Variants in MUC5B observed in about 807,000 individuals in gnomAD.
MUC5B encodes the protein mucin-5B.
A neutral mutation model predicts 376.9 loss-of-function variants in MUC5B; 116 were observed. The observed-to-expected ratio is 0.31, with a 90% CI of 0.26 to 0.36. The LOEUF is 0.36. MUC5B is among the 10% of genes least tolerant of loss of function. The pLI is 1.00. For missense variants in MUC5B, 7,165 were observed against 7,769.9 expected (o/e 0.92, Z 2.93); for synonymous variants, 3,517 against 3,390.9 (o/e 1.04, Z -1.29).
rs749607422 is a variant in MUC5B, at chr11:1,254,089, C to A, written c.15218-3C>A. The A allele has an allele frequency of 1.9e-6, 3 of 1,610,968 alleles. No homozygotes were observed. The highest frequency in any genetic ancestry group is 2.5e-6 in the Non-Finnish European group (3 of 1,179,564). ...TGCCAGCCCGTCCATCTCTGTCCCG[C>A]AGGCATCTGCAGCATGTGGGGCGGC... On this transcript the variant is annotated splice_region_variant and splice_polypyrimidine_tract_variant and intron_variant, in intron 33 of 48. Transcript: ENST00000529681.
chr11:1,245,433 G>C lies in MUC5B; in HGVS notation c.8553G>C (p.Ser2851=), dbSNP rs1200038148. The C allele has an allele frequency of 6.4e-7, 1 of 1,555,560 alleles. No individual in the cohort carries two copies. Among genetic ancestry groups the C allele is most frequent in the Non-Finnish European group, 8.7e-7 (1 of 1,148,822 alleles). Residue 2851 remains serine, a synonymous_variant, in exon 31 of 49, where the codon TCG becomes TCC. Transcript: ENST00000529681. ...CCACACCCAGCAAGACCCGCACCTC[G>C]ACCCTGCTGCCCAGCAGCCCCACAT... ...ATATPSKTRT[S]TLLPSSPTSA...
chr11:1,252,726 C>A, intron 32 of MUC5B, 83 bp from the exon 33 acceptor site: 1 of 1,496,262 alleles, frequency 6.7e-7, no homozygotes, highest in Non-Finnish European at 9.0e-7. Flanking sequence ...CCACCCGGGG[C>A]TTTGGGCCAT....
In MUC5B at chr11:1,253,522, A is replaced by G. The variant is rs1590190567; in HGVS notation, c.15217+542A>G. On this transcript the variant is annotated intron_variant, in intron 33 of 48. Transcript: ENST00000529681. This position sits in a 1 kb window ranked among gnomAD's most constrained non-coding sequence, Gnocchi z 4.3. ...TCACTCCTCCCCATGTCCTTGGCCCAGGGCTGCTGTTCCAAACCGCCACAA... is the reference window on the plus strand; with the variant it reads ...TCACTCCTCCCCATGTCCTTGGCCCGGGGCTGCTGTTCCAAACCGCCACAA... 1.3e-5 allele frequency among the ~76,000 whole-genome samples: 2 copies of G among 152,162 alleles called. 1 individual carries two copies. Among genetic ancestry groups the G allele is most frequent in the African/African-American group, 4.8e-5 (2 of 41,436 alleles).
In MUC5B at chr11:1,234,639, C is replaced by G; in HGVS notation, c.2589C>G (p.Thr863=). ...EDCPCVHNEA[T]YKPGETIRVD... ...GCCCCTGTGTGCACAACGAGGCCAC[C>G]TACAAGCCTGGAGAGACCATCAGGG... The change falls in exon 21 of 49, where the codon ACC becomes ACG. Residue 863 remains threonine, a synonymous_variant. Coordinates refer to ENST00000529681, the MANE Select transcript of MUC5B (RefSeq NM_002458.3). The surrounding 1 kb of genome is among the most constrained non-coding windows in gnomAD (Gnocchi z 6.3). 3 of 1,550,888 alleles carry G rather than the reference C, an allele frequency of 1.9e-6. No homozygotes were observed. Among genetic ancestry groups the G allele is most frequent in the Non-Finnish European group, 1.7e-6 (2 of 1,147,710 alleles).
At position 1,242,936 on chromosome 11, in the gene MUC5B, C is replaced by G; in HGVS notation, c.6056C>G (p.Thr2019Ser). The change falls in exon 31 of 49, where the codon ACC (threonine) becomes AGC (serine). Residue 2019 changes from threonine (T) to serine (S), a missense_variant. This residue lies in a region of MUC5B where 897 missense variants were observed against 779.6 expected (regional missense o/e 1.15). Coordinates refer to ENST00000529681, the MANE Select transcript of MUC5B (RefSeq NM_002458.3). ...TPSSTPETAH[T>S]STVLTATATT... The stretch of plus-strand genomic sequence containing the variant: ...TCCTCCACTCCAGAGACTGCCCACA[C>G]CTCCACAGTGCTTACCGCCACGGCC... The G allele has an allele frequency of 1.2e-6, 2 of 1,613,208 alleles. No homozygotes were observed. The highest frequency in any genetic ancestry group is 1.3e-5 in the African/African-American group (1 of 74,960).
intron 33 of MUC5B, 21 bp from the exon 34 acceptor site, chr11:1,254,071 C>T: frequency 6.2e-7 from 1 of 1,604,034 alleles, no homozygotes; most frequent in Non-Finnish European, 8.5e-7. Flanking sequence ...GCCTGCCAGC[C>T]CGTCCATCTC....
intron 44 of MUC5B, chr11:1,259,454 G>A (rs1375927929): frequency 5.7e-6 from 3 of 527,572 alleles, no homozygotes; most frequent in Non-Finnish European, 1.0e-5. Context: ...GTTTCCAAAG[G>A]GAGGGTATGA....
chr11:1,223,914 C>T (rs532274940), intron 1 of MUC5B, among the ~76,000 whole-genome samples: 4 of 152,326 alleles, frequency 2.6e-5, no homozygotes, highest in East Asian at 3.9e-4. Flanking sequence ...CTCCCTGCCC[C>T]GCCCTCCACC....
intron 33 of MUC5B, 53 bp from the exon 34 acceptor site, chr11:1,254,036 TGGG>T: frequency 6.4e-7 from 1 of 1,572,452 alleles, no homozygotes; most frequent in Non-Finnish European, 8.6e-7. Context: ...CCATGACGCC[TGGG>T]GAGCGAGGGC....
In MUC5B at chr11:1,253,474, A is replaced by G. The variant is rs148967927; in HGVS notation, c.15217+494A>G. Among the ~76,000 whole-genome samples, 3,802 of 152,152 alleles carry G rather than the reference A, an allele frequency of 0.025. 63 individuals carry two copies. The highest frequency in any genetic ancestry group is 0.033 in the Non-Finnish European group (2,227 of 67,966). On this transcript the variant is annotated intron_variant, in intron 33 of 48. Coordinates refer to ENST00000529681, the MANE Select transcript of MUC5B (RefSeq NM_002458.3). This position sits in a 1 kb window ranked among gnomAD's most constrained non-coding sequence, Gnocchi z 4.3. ...CGGCTTCCATCACCGTGCGGGACCCACCGCTAAGAGGTCACGGCGTTCTCA... is the reference window on the plus strand; with the variant it reads ...CGGCTTCCATCACCGTGCGGGACCCGCCGCTAAGAGGTCACGGCGTTCTCA...
rs1038320893 is a variant in MUC5B, at chr11:1,258,011, G to T, written c.16451-88G>T. The T allele has an allele frequency of 3.0e-6, 4 of 1,350,388 alleles. No individual in the cohort carries two copies. Among genetic ancestry groups the T allele is most frequent in the Non-Finnish European group, 3.1e-6 (3 of 975,896 alleles). 83.7% of individuals were successfully genotyped at this position (1,350,388 alleles called of 1,614,324 possible). A position where few individuals can be genotyped will look rare whatever the true frequency, so the allele number is the denominator to read the frequency against. On this transcript the variant is annotated intron_variant, in intron 41 of 48. Transcript: ENST00000529681. The surrounding 1 kb of genome is among the most constrained non-coding windows in gnomAD (Gnocchi z 5.5). ...GCTGTGAAGCGGTCAGGTCCTCGGGGAAAAGCACGCCTGCGACTTACTCTG... is the reference window on the plus strand; with the variant it reads ...GCTGTGAAGCGGTCAGGTCCTCGGGTAAAAGCACGCCTGCGACTTACTCTG...
At chr11:1,229,978 G>A (rs763393008) in intron 10 of MUC5B, 27 bp from the exon 11 acceptor site, 18 of 1,573,836 alleles carry the variant, frequency 1.1e-5, no homozygotes, top group Admixed American at 3.5e-5. Flanking sequence ...CCGACATGCC[G>A]GTTCTGCTCA....
At chr11:1,236,589 C>T (rs756407989) in intron 24 of MUC5B, 27 bp downstream of exon 24, 1 of 1,596,940 alleles carries the variant, frequency 6.3e-7, no homozygotes, top group South Asian at 1.1e-5. Flanking sequence ...CACTCCTAGG[C>T]CCTGCAGGAC....
chr11:1,223,877 G>A (rs55983969), intron 1 of MUC5B, among the ~76,000 whole-genome samples: 13,716 of 152,258 alleles, frequency 0.09, 784 homozygotes, highest in Non-Finnish European at 0.11. Context: ...ACACCCAGCC[G>A]GGCTGGCCAT....
At chr11:1,255,325 GCACGCACGCAGCTCC>G in intron 36 of MUC5B, 43 bp from the exon 37 acceptor site, 1 of 1,369,520 alleles carries the variant, frequency 7.3e-7, no homozygotes. Context: ...CCGCATGCAC[GCACGCACGCAGCTCC>G]CTGGGGCTGG....
intron 1 of MUC5B, 101 bp downstream of exon 1, chr11:1,223,294 A>G (rs1861801111): frequency 8.6e-6 from 6 of 698,276 alleles, no homozygotes; most frequent in East Asian, 2.7e-5. Flanking sequence ...GCACGGGCAG[A>G]TCCCCCTACG....
chr11:1,235,547 GC>G, intron 23 of MUC5B, 134 bp downstream of exon 23: 1 of 750,346 alleles, frequency 1.3e-6, no homozygotes, highest in South Asian at 1.6e-5. Flanking sequence ...GTTCCAAGCA[GC>G]CACAAACCAG....
Position 1,248,933 on chromosome 11 carries a change from C to A in MUC5B, c.12053C>A (p.Pro4018His). The change falls in exon 31 of 49, where the codon CCC becomes CAC. Residue 4018 changes from proline to histidine, a missense_variant. Pro to His is a moderately conservative substitution (Grantham distance 77). Transcript: ENST00000529681. Reference sequence around the variant, plus strand: ...ACCACACACGGGCGATCCCTGTCCCCCAGCAGTCCCCACACGGTGCGCACA... The same window carrying A: ...ACCACACACGGGCGATCCCTGTCCCACAGCAGTCCCCACACGGTGCGCACA... ...TATTHGRSLS[P>H]SSPHTVRTAW... is the part of the protein sequence containing the mutation. 6.3e-7 allele frequency: 1 copy of A among 1,593,408 alleles called. No individual in the cohort carries two copies. The highest frequency in any genetic ancestry group is 1.7e-5 in the Admixed American group (1 of 57,454).
chr11:1,242,439 G>T lies in MUC5B; in HGVS notation c.5559G>T (p.Thr1853=), dbSNP rs375963569. ...AGGTGCTGACCTGCAGCCTGGAGAC[G>T]GGGCTGACCTGCAAGAACGAAGACC... The part of the protein sequence containing the change: ...VGQVLTCSLE[T]GLTCKNEDQT... The change falls in exon 31 of 49, where the codon ACG becomes ACT. Residue 1853 remains threonine, a synonymous_variant. Coordinates refer to ENST00000529681, the MANE Select transcript of MUC5B (RefSeq NM_002458.3). The T allele has an allele frequency of 1.2e-6, 2 of 1,613,624 alleles. No homozygotes were observed. Among genetic ancestry groups the T allele is most frequent in the South Asian group, 1.1e-5 (1 of 91,084 alleles).
Sources: allele counts gnomAD v4.1 joint callset (sites outside exome capture counted in the v4.1 genomes callset), GRCh38; gene constraint gnomAD v4.1.1; regional missense constraint gnomAD v4.1.1; non-coding constraint Gnocchi (gnomAD v3.1); transcripts MANE v1.5; gene names NCBI Gene and HGNC (gene_info 2026-07-23, HGNC 2026-07-21).